PHC1: variants seen among roughly 807,000 people sequenced by gnomAD.
PHC1 encodes polyhomeotic homolog 1, also known as polyhomeotic-like protein 1.
A neutral mutation model predicts 104.3 loss-of-function variants in PHC1; 12 were observed. That is an observed-to-expected ratio of 0.12 (90% CI 0.07 to 0.19). PHC1 has a LOEUF of 0.19. Among genes scored for constraint, PHC1 ranks in the 10% least tolerant of loss-of-function variants. The probability of loss-of-function intolerance (pLI) is 1.00; values close to 1 mark genes in which losing one functional copy is unlikely to be tolerated. For synonymous variants in PHC1, 302 were observed against 455.8 expected, an observed-to-expected ratio of 0.66 and a Z score of 4.30; for missense variants, 671 against 1,200.0, an observed-to-expected ratio of 0.56 and a Z score of 6.51.
chr12:8,917,367 C>T (rs1348065706), intron 1 of PHC1, among the ~76,000 whole-genome samples: 1 of 152,092 alleles, frequency 6.6e-6, no homozygotes, highest in East Asian at 1.9e-4. Context: ...ACATTCTGGC[C>T]GTTTTATTTA....
intron 14 of PHC1, among the ~76,000 whole-genome samples, chr12:8,938,998 GTA>G (rs1249179814): frequency 6.6e-6 from 1 of 152,018 alleles, no homozygotes; most frequent in African/African-American, 2.4e-5. Flanking sequence ...GCTGATTTTT[GTA>G]TGTTTTGTAG....
intron 7 of PHC1, among the ~76,000 whole-genome samples, chr12:8,932,113 C>A (rs1027138832): frequency 6.6e-6 from 1 of 152,178 alleles, no homozygotes; most frequent in African/African-American, 2.4e-5. Flanking sequence ...TCTCTTCTTT[C>A]AGTGAATATT....
At chr12:8,922,861 C>T (rs1384520825) in intron 6 of PHC1, 73 bp downstream of exon 6, 1 of 1,300,912 alleles carries the variant, frequency 7.7e-7, no homozygotes, top group African/African-American at 1.5e-5. Context: ...CCTGGGTCCA[C>T]CCTTCTGCCC....
chr12:8,923,352 A>G (rs1340062171), intron 6 of PHC1, among the ~76,000 whole-genome samples: 4 of 152,190 alleles, frequency 2.6e-5, no homozygotes, highest in South Asian at 4.1e-4. Flanking sequence ...CTTCTTATAG[A>G]TGGGACACAA....
At chr12:8,938,482 A>T (rs1389349443) in intron 14 of PHC1, among the ~76,000 whole-genome samples, 1 of 147,174 alleles carries the variant, frequency 6.8e-6, no homozygotes, top group African/African-American at 2.5e-5. Flanking sequence ...GGGATTCCCT[A>T]TGTTGCCCAG....
intron 6 of PHC1, among the ~76,000 whole-genome samples, chr12:8,927,216 G>A (rs144022093): frequency 2.0e-5 from 3 of 152,186 alleles, no homozygotes; most frequent in African/African-American, 7.2e-5. Context: ...GGGAGGGAGA[G>A]TTGTTTCAGT....
At chr12:8,937,440 A>G in intron 13 of PHC1, 114 bp downstream of exon 13, 3 of 944,994 alleles carry the variant, frequency 3.2e-6, no homozygotes, top group Non-Finnish European at 4.6e-6. Flanking sequence ...CTGGTTTCAC[A>G]TTGATTGCAT....
intron 5 of PHC1, among the ~76,000 whole-genome samples, chr12:8,922,220 G>C (rs1945386260): frequency 6.6e-6 from 1 of 152,148 alleles, no homozygotes; most frequent in South Asian, 2.1e-4. Context: ...TTCACAGGTA[G>C]CCTATAGATT....
rs1474816086 is a variant in PHC1, at chr12:8,940,494, T to G, written c.*1035T>G. ...AAAAAAGATGCTTTTGTAACATTATTTTCCCTGTTTAGAAAGAAAAAAATC... is the reference window on the plus strand; with the variant it reads ...AAAAAAGATGCTTTTGTAACATTATGTTCCCTGTTTAGAAAGAAAAAAATC... On this transcript the variant is annotated 3_prime_UTR_variant, in exon 15 of 15. Transcript: ENST00000544916. 1 of 126,026 alleles carries G rather than the reference T, an allele frequency of 7.9e-6. No individual in the cohort carries two copies. Among genetic ancestry groups the G allele is most frequent in the Non-Finnish European group, 1.7e-5 (1 of 57,414 alleles). 7.8% of individuals were successfully genotyped at this position (126,026 alleles called of 1,614,324 possible).
chr12:8,938,524 C>T (rs1945909738), intron 14 of PHC1, among the ~76,000 whole-genome samples: 1 of 151,358 alleles, frequency 6.6e-6, no homozygotes, highest in African/African-American at 2.4e-5. Flanking sequence ...TCAAGAGATC[C>T]TTCTGCCTTG....
At chr12:8,930,410 C>T (rs1945648449) in intron 6 of PHC1, 25 bp from the exon 7 acceptor site, 1 of 1,598,834 alleles carries the variant, frequency 6.3e-7, no homozygotes, top group Admixed American at 1.7e-5. Context: ...CTCCTTTTCT[C>T]AATCTGTTTT....
chr12:8,927,639 A>G (rs371605967), intron 6 of PHC1, among the ~76,000 whole-genome samples: 1 of 152,192 alleles, frequency 6.6e-6, no homozygotes, highest in South Asian at 2.1e-4. Flanking sequence ...AAGAGAAGGT[A>G]GTCTGAGGTA....
chr12:8,927,893 C>T (rs1488170206), intron 6 of PHC1, among the ~76,000 whole-genome samples: 34 of 110,082 alleles, frequency 3.1e-4, no homozygotes, highest in African/African-American at 1.3e-3. Flanking sequence ...TTCTTTCTTT[C>T]TTTCTTTCTT....
chr12:8,924,507 T>C (rs1376018570), intron 6 of PHC1, among the ~76,000 whole-genome samples: 1 of 152,118 alleles, frequency 6.6e-6, no homozygotes, highest in Non-Finnish European at 1.5e-5. Flanking sequence ...AACTAAATGG[T>C]GCTAACTTTG....
At chr12:8,935,293 T>G in intron 11 of PHC1, 55 bp downstream of exon 11, 4 of 941,706 alleles carry the variant, frequency 4.2e-6, no homozygotes, top group Non-Finnish European at 6.6e-6. Flanking sequence ...GAGATGTGTT[T>G]GAGGACTCGG....
chr12:8,934,070 G>T, intron 9 of PHC1, 58 bp downstream of exon 9: 1 of 1,579,618 alleles, frequency 6.3e-7, no homozygotes, highest in South Asian at 1.1e-5. Context: ...AATGTTCTGA[G>T]TGAGCTAAAA....
rs1405061146 is a variant in PHC1 at position 8,914,842 on chromosome 12, G to C, written c.-49+15G>C. 6.5e-6 allele frequency: 1 copy of C among 154,270 alleles called. No homozygotes were observed. The highest frequency in any genetic ancestry group is 1.5e-5 in the Non-Finnish European group (1 of 68,496). 9.6% of individuals were successfully genotyped at this position (154,270 alleles called of 1,614,324 possible). On this transcript the variant is annotated intron_variant, in intron 1 of 14. Transcript: ENST00000544916. ...CAGGCGAGAAGGTAACCGGGCGACCGAGGGCCGGGGAGGGGCAGGACCTCT... is the reference window on the plus strand; with the variant it reads ...CAGGCGAGAAGGTAACCGGGCGACCCAGGGCCGGGGAGGGGCAGGACCTCT...
chr12:8,936,424 A>G (rs1805734), intron 11 of PHC1, among the ~76,000 whole-genome samples: 44,347 of 151,980 alleles, frequency 0.29, 6,812 homozygotes, highest in Admixed American at 0.38. Flanking sequence ...TAGGACATTT[A>G]TATCTTTAAT....
At chr12:8,918,494 T>A (rs899518605) in intron 2 of PHC1, among the ~76,000 whole-genome samples, 2 of 152,216 alleles carry the variant, frequency 1.3e-5, no homozygotes, top group African/African-American at 4.8e-5. Context: ...TCTTTTTTTT[T>A]TGAGACAAGG....
Sources: gnomAD v4.1 joint callset for allele counts (sites outside exome capture counted in the v4.1 genomes callset) on GRCh38, gnomAD v4.1.1 for gene constraint, MANE v1.5 for transcripts, NCBI Gene and HGNC (gene_info 2026-07-23, HGNC 2026-07-21) for gene names.